The following DCHS2 variants were observed in gnomAD, a reference collection of about 807,000 sequenced individuals.
The protein encoded by DCHS2 is protocadherin-23.
DCHS2 carries 142 observed loss-of-function variants against 182.4 expected under a neutral mutation model. The observed-to-expected ratio is 0.78, with a 90% CI of 0.68 to 0.89. The LOEUF (loss-of-function observed/expected upper bound fraction) is 0.89. Ranked by LOEUF, DCHS2 falls within the 40% of genes least tolerant of loss-of-function variation. The pLI is 0.00. For synonymous variants in DCHS2, 1,740 were observed against 1,663.3 expected, an observed-to-expected ratio of 1.05 and a Z score of -1.12; for missense variants, 4,319 against 4,198.6, an observed-to-expected ratio of 1.03 and a Z score of -0.79.
chr4:154,314,698 C>T (rs1050414956), intron 10 of DCHS2, among the ~76,000 whole-genome samples: 1 of 152,204 alleles, frequency 6.6e-6, no homozygotes, highest in Admixed American at 6.5e-5. Flanking sequence ...ATAAAAATAT[C>T]TATTACAATT....
rs756188871 is a variant in DCHS2, at chr4:154,237,108, G to A, written c.7544C>T (p.Thr2515Ile). Residue 2515 changes from threonine (T) to isoleucine (I), a missense_variant, in exon 20 of 20, where the codon ACT becomes ATT. Coordinates refer to ENST00000357232, the MANE Select transcript of DCHS2 (RefSeq NM_001358235.2). ...ATCACTGGCTTCCACAAGAAATTGA[G>A]TTGTTGATATTGTATCCAGAAGTAA... ...PVLLLDTIST[T>I]QFLVEASDGG... 1.2e-6 allele frequency: 2 copies of A among 1,607,952 alleles called. No homozygotes were observed. The highest frequency in any genetic ancestry group is 2.2e-5 in the South Asian group (2 of 91,032).
chr4:154,399,276 T>C (rs76025992), intron 1 of DCHS2, among the ~76,000 whole-genome samples: 2,957 of 152,306 alleles, frequency 0.019, 107 homozygotes, highest in South Asian at 0.14. Flanking sequence ...TTGCTTTTAA[T>C]CGTTCCCCCA....
chr4:154,364,757 G>A (rs978845184), intron 3 of DCHS2, among the ~76,000 whole-genome samples: 15 of 152,172 alleles, frequency 9.9e-5, no homozygotes, highest in East Asian at 3.9e-4. Context: ...TGTTTCTACC[G>A]TATATGGCTA....
intron 3 of DCHS2, among the ~76,000 whole-genome samples, chr4:154,364,669 A>C (rs1247797514): frequency 6.6e-6 from 1 of 152,206 alleles, no homozygotes; most frequent in African/African-American, 2.4e-5. Flanking sequence ...AGGCAGAAGC[A>C]GCGGCTCTCT....
chr4:154,484,351 G>C (rs1333320685), intron 1 of DCHS2, among the ~76,000 whole-genome samples: 1 of 151,090 alleles, frequency 6.6e-6, no homozygotes, highest in Admixed American at 6.6e-5. Flanking sequence ...TTCCTAAAAC[G>C]TTACTTTTCA....
intron 3 of DCHS2, among the ~76,000 whole-genome samples, chr4:154,339,536 G>T (rs1728965559): frequency 6.7e-6 from 1 of 149,852 alleles, no homozygotes; most frequent in South Asian, 2.1e-4. Context: ...TGCAACCTCT[G>T]CCTCCTGGAT....
At chr4:154,486,496 C>G in intron 1 of DCHS2, 1 of 1,304,632 alleles carries the variant, frequency 7.7e-7, no homozygotes, top group Non-Finnish European at 1.0e-6. Context: ...TTGATTTTGA[C>G]AAAGGCAACT....
rs1158582502 is a variant in DCHS2, at chr4:154,489,519, C to T, written c.1837G>A (p.Gly613Ser). Reference protein sequence around the residue: ...GPSFAIDSESGAISTIRTLDR... With the variant: ...GPSFAIDSESSAISTIRTLDR... ...AGAGTCCGGATAGTGCTGATCGCAC[C>T]GCTTTCGGAATCAATGGCAAAAGAT... Residue 613 changes from glycine (G) to serine (S), a missense_variant, in exon 1 of 20, where the codon GGT becomes AGT. By Grantham distance (56) the Gly-to-Ser change is moderately conservative (BLOSUM62 0). Coordinates refer to ENST00000357232, the MANE Select transcript of DCHS2 (RefSeq NM_001358235.2). The T allele has an allele frequency of 1.3e-6, 2 of 1,551,644 alleles. No homozygotes were observed. Among genetic ancestry groups the T allele is most frequent in the South Asian group, 2.4e-5 (2 of 84,048 alleles).
chr4:154,352,992 T>C (rs955522475), intron 3 of DCHS2, among the ~76,000 whole-genome samples: 1 of 152,158 alleles, frequency 6.6e-6, no homozygotes, highest in African/African-American at 2.4e-5. Flanking sequence ...TAAGCTTCTG[T>C]ATCCCCAGTA....
intron 1 of DCHS2, among the ~76,000 whole-genome samples, chr4:154,377,941 C>T (rs564947161): frequency 6.6e-6 from 1 of 152,202 alleles, no homozygotes; most frequent in South Asian, 2.1e-4. Flanking sequence ...TACTAGAAAC[C>T]CAATCCCAGT....
At position 154,321,932 on chromosome 4, in the gene DCHS2, T is replaced by TA. The variant is rs1207132442; in HGVS notation, c.4176+398dup. ...TGAATCTGGAGTTACTTTTCTAAAT[T>TA]AAAAAAATTACAAAAATCTATGTCA... On this transcript the variant is annotated intron_variant, in intron 8 of 19. Transcript: ENST00000357232. Among the ~76,000 whole-genome samples the TA allele has an allele frequency of 3.3e-5, 5 of 152,164 alleles. No individual in the cohort carries two copies. The East Asian group carries it at 9.7e-4, about 29-fold the overall frequency.
intron 9 of DCHS2, 67 bp downstream of exon 9, chr4:154,320,312 T>A: frequency 6.5e-7 from 1 of 1,535,818 alleles, no homozygotes; most frequent in Non-Finnish European, 8.7e-7. Flanking sequence ...GTTAGGAGGG[T>A]GGGTCTCATG....
At chr4:154,327,879 CTGA>C (rs1736347643) in intron 7 of DCHS2, among the ~76,000 whole-genome samples, 1 of 152,152 alleles carries the variant, frequency 6.6e-6, no homozygotes, top group African/African-American at 2.4e-5. Flanking sequence ...AAAAGCTACT[CTGA>C]TTTTTTATTA....
intron 1 of DCHS2, among the ~76,000 whole-genome samples, chr4:154,389,966 G>A (rs1381704711): frequency 1.3e-5 from 2 of 152,048 alleles, no homozygotes; most frequent in Non-Finnish European, 2.9e-5. Flanking sequence ...TATATTTATG[G>A]CATAAAAATT....
intron 1 of DCHS2, among the ~76,000 whole-genome samples, chr4:154,400,560 T>C (rs1324604812): frequency 6.6e-6 from 1 of 152,146 alleles, no homozygotes; most frequent in African/African-American, 2.4e-5. Flanking sequence ...CTCGGTATAG[T>C]GACACTTTCA....
intron 1 of DCHS2, among the ~76,000 whole-genome samples, chr4:154,461,079 A>G (rs1734991198): frequency 6.6e-6 from 1 of 152,192 alleles, no homozygotes; most frequent in African/African-American, 2.4e-5. Context: ...TCAGGTCCTC[A>G]GAAAACTACT....
intron 1 of DCHS2, among the ~76,000 whole-genome samples, chr4:154,427,284 G>GA (rs59108857): frequency 0.8 from 121,846 of 152,114 alleles, 52,417 homozygotes; most frequent in Non-Finnish European, 0.95. Context: ...AATCTAACTG[G>GA]TGTATAAATA....
chr4:154,431,994 T>C (rs990675800), intron 1 of DCHS2, among the ~76,000 whole-genome samples: 8 of 152,244 alleles, frequency 5.3e-5, no homozygotes, highest in African/African-American at 1.9e-4. Flanking sequence ...GCCATTGTTA[T>C]TTGTTTATAA....
Position 154,489,875 on chromosome 4 carries a change from T to C in DCHS2, c.1481A>G (p.Glu494Gly). Residue 494 changes from glutamate to glycine, a missense_variant, in exon 1 of 20, where the codon GAG (glutamate) becomes GGG (glycine). Transcript: ENST00000357232. ...GPPGVFFLCV[E>G]GPLDRESRDL... ...GCGGCTCTCTCTGTCCAGGGGCCCC[T>C]CCACGCAAAGGAAAAATACCCCTGG... 6.5e-7 allele frequency: 1 copy of C among 1,543,230 alleles called. No individual in the cohort carries two copies. Among genetic ancestry groups the C allele is most frequent in the Non-Finnish European group, 8.8e-7 (1 of 1,141,578 alleles).
Sources: allele counts gnomAD v4.1 joint callset (sites outside exome capture counted in the v4.1 genomes callset), GRCh38; gene constraint gnomAD v4.1.1; transcripts MANE v1.5; gene names NCBI Gene and HGNC (gene_info 2026-07-23, HGNC 2026-07-21).